The following IGF1R variants were observed in gnomAD, a reference collection of about 807,000 sequenced individuals.
IGF1R encodes insulin-like growth factor 1 receptor.
Under a neutral mutation model 144.6 loss-of-function variants are expected in IGF1R, and 44 were observed. The ratio of observed to expected loss-of-function variants is 0.30; its 90% CI spans 0.24 to 0.39. The LOEUF is 0.39. Among genes scored for constraint, IGF1R ranks in the 10% least tolerant of loss-of-function variants. IGF1R has a pLI of 1.00. For missense variants in IGF1R, 1,355 were observed against 1,833.7 expected, an observed-to-expected ratio of 0.74 and a Z score of 4.77; for synonymous variants, 795 against 722.8, an observed-to-expected ratio of 1.10 and a Z score of -1.60.
chr15:98,839,325 T>C (rs540979269), intron 2 of IGF1R, among the ~76,000 whole-genome samples: 2 of 152,164 alleles, frequency 1.3e-5, no homozygotes, highest in Non-Finnish European at 2.9e-5. Flanking sequence ...AGTGTGACTC[T>C]AGAGTACCTA....
At chr15:98,933,089 T>A (rs1212746875) in intron 15 of IGF1R, among the ~76,000 whole-genome samples, 1 of 152,180 alleles carries the variant, frequency 6.6e-6, no homozygotes, top group East Asian at 1.9e-4. Flanking sequence ...CAGGACCACC[T>A]CCTTCCCACA....
chr15:98,945,907 C>A (rs74032121), intron 19 of IGF1R, among the ~76,000 whole-genome samples: 10,539 of 151,992 alleles, frequency 0.069, 480 homozygotes, highest in African/African-American at 0.13. Flanking sequence ...TTGCAGTTCA[C>A]CTCGACAAGC....
At chr15:98,808,120 A>G (rs1256629068) in intron 2 of IGF1R, among the ~76,000 whole-genome samples, 3 of 152,246 alleles carry the variant, frequency 2.0e-5, no homozygotes, top group Non-Finnish European at 4.4e-5. Flanking sequence ...GGCATGGGGA[A>G]GAATGATGTT....
At chr15:98,885,584 C>T (rs2013599740) in intron 2 of IGF1R, among the ~76,000 whole-genome samples, 1 of 152,086 alleles carries the variant, frequency 6.6e-6, no homozygotes, top group Admixed American at 6.5e-5. Context: ...GGAAAGCCTC[C>T]CTGCGTTTAT....
At chr15:98,925,256 G>C (rs2015667523) in intron 13 of IGF1R, among the ~76,000 whole-genome samples, 1 of 152,164 alleles carries the variant, frequency 6.6e-6, no homozygotes, top group Non-Finnish European at 1.5e-5. Flanking sequence ...AGAGACTGAG[G>C]AATGTGAGTT....
intron 2 of IGF1R, among the ~76,000 whole-genome samples, chr15:98,736,174 A>G (rs1448450639): frequency 6.6e-6 from 1 of 152,242 alleles, no homozygotes; most frequent in Non-Finnish European, 1.5e-5. Context: ...ACATTAATCC[A>G]TATCCTGTTA....
In IGF1R at chr15:98,748,950, C is replaced by T. The variant is rs551598339; in HGVS notation, c.640+40843C>T. Reference sequence around the variant, plus strand: ...GACTCCACTGGACACTCACATATTGCACGTGGAATATCTTAAAGGGGTTGT... The same window carrying T: ...GACTCCACTGGACACTCACATATTGTACGTGGAATATCTTAAAGGGGTTGT... On this transcript the variant is annotated intron_variant, in intron 2 of 20. Coordinates refer to ENST00000650285, the MANE Select transcript of IGF1R (RefSeq NM_000875.5). 1.2e-4 allele frequency among the ~76,000 whole-genome samples: 18 copies of T among 152,226 alleles called. 3 individuals carry two copies. In the South Asian group the frequency reaches 3.3e-3, roughly 28 times the overall value.
chr15:98,873,770 C>T (rs2012909159), intron 2 of IGF1R: 1 of 152,192 alleles, frequency 6.6e-6, no homozygotes, highest in Non-Finnish European at 1.5e-5. Flanking sequence ...GATTTCTTAA[C>T]CTGCTGCAGT....
In IGF1R at chr15:98,915,984, G is replaced by C. The variant is rs761193341; in HGVS notation, c.1849G>C (p.Val617Leu). 2 of 1,614,010 alleles carry C rather than the reference G, an allele frequency of 1.2e-6. No individual in the cohort carries two copies. Among genetic ancestry groups the C allele is most frequent in the Non-Finnish European group, 1.7e-6 (2 of 1,179,968 alleles). The change falls in exon 9 of 21, where the codon GTT becomes CTT. Residue 617 changes from valine (V) to leucine (L), a missense_variant. By Grantham distance (32) the Val-to-Leu change is conservative. Coordinates refer to ENST00000650285, the MANE Select transcript of IGF1R (RefSeq NM_000875.5). Reference protein sequence around the residue: ...NASVPSIPLDVLSASNSSSQL... With the variant: ...NASVPSIPLDLLSASNSSSQL... ...TCCAGTTCCTTCCATTCCCTTGGAC[G>C]TTCTTTCAGCATCGAACTCCTCTTC...
intron 2 of IGF1R, among the ~76,000 whole-genome samples, chr15:98,756,838 A>C (rs1032491440): frequency 2.0e-5 from 3 of 152,140 alleles, no homozygotes; most frequent in Admixed American, 6.5e-5. Flanking sequence ...TTTGTAATTA[A>C]AATATTTATT....
intron 2 of IGF1R, among the ~76,000 whole-genome samples, chr15:98,840,172 G>A (rs559376656): frequency 1.8e-4 from 27 of 152,162 alleles, no homozygotes; most frequent in Admixed American, 3.3e-4. Flanking sequence ...GGACTGTCAC[G>A]GACTCTCTCC....
rs1044755026 is a variant in IGF1R, at chr15:98,707,253, C to T, written c.95-309C>T. On this transcript the variant is annotated intron_variant, in intron 1 of 20. Transcript: ENST00000650285. This position sits in a 1 kb window ranked among gnomAD's most constrained non-coding sequence, Gnocchi z 6.7. ...TGGCCTGGGTTGCAGATTTAACTTT[C>T]GCCTCTGCCTCTGTGTGCCTCTGGG... is the stretch of plus-strand genomic sequence containing the variant. Among the ~76,000 whole-genome samples the T allele has an allele frequency of 5.3e-5, 8 of 152,152 alleles. No individual in the cohort carries two copies. The highest frequency in any genetic ancestry group is 4.4e-5 in the Non-Finnish European group (3 of 68,036).
chr15:98,734,027 C>T (rs2054556488), intron 2 of IGF1R, among the ~76,000 whole-genome samples: 1 of 152,254 alleles, frequency 6.6e-6, no homozygotes, highest in Non-Finnish European at 1.5e-5. Flanking sequence ...TAGCCTGCCT[C>T]GTAGGACCCT....
At chr15:98,916,463 T>C in intron 9 of IGF1R, 1 of 607,254 alleles carries the variant, frequency 1.6e-6, no homozygotes, top group Non-Finnish European at 2.9e-6. Context: ...GGTTTCACCA[T>C]GTTGCCCAGG....
chr15:98,664,815 T>G (rs1489397977), intron 1 of IGF1R, among the ~76,000 whole-genome samples: 3 of 152,088 alleles, frequency 2.0e-5, no homozygotes, highest in Non-Finnish European at 4.4e-5. Flanking sequence ...ATACTATTGT[T>G]GCTAAGGATA....
intron 2 of IGF1R, among the ~76,000 whole-genome samples, chr15:98,884,586 G>A (rs2013544302): frequency 2.0e-5 from 3 of 150,422 alleles, no homozygotes; most frequent in African/African-American, 7.3e-5. Context: ...CCCAGCTACA[G>A]GAGAATGGCA....
intron 2 of IGF1R, among the ~76,000 whole-genome samples, chr15:98,877,489 CTTTTTTTTT>C (rs5814908): frequency 1.2e-5 from 1 of 85,586 alleles, no homozygotes; most frequent in Non-Finnish European, 2.1e-5. Flanking sequence ...CACTAGCAGC[CTTTTTTTTT>C]TTTTTTTTTT....
At chr15:98,948,784 TAGG>T in intron 20 of IGF1R, 76 bp downstream of exon 20, 1 of 1,531,842 alleles carries the variant, frequency 6.5e-7, no homozygotes, top group Non-Finnish European at 9.0e-7. Context: ...CACAGGAGAT[TAGG>T]AGATTAAAGC....
chr15:98,902,730 A>C (rs1047298680), intron 5 of IGF1R, among the ~76,000 whole-genome samples: 3 of 152,126 alleles, frequency 2.0e-5, no homozygotes, highest in African/African-American at 7.2e-5. Flanking sequence ...AACTTCTTTT[A>C]TAGCCAGTGA....
Sources: allele counts gnomAD v4.1 joint callset (sites outside exome capture counted in the v4.1 genomes callset), GRCh38; gene constraint gnomAD v4.1.1; non-coding constraint Gnocchi (gnomAD v3.1); transcripts MANE v1.5; gene names NCBI Gene and HGNC (gene_info 2026-07-23, HGNC 2026-07-21).